SKIC3: variants seen among roughly 807,000 people sequenced by gnomAD.
The protein encoded by SKIC3 is SKI3 subunit of superkiller complex.
chr5:95,549,551 G>A, the SKIC3 span, among the ~76,000 whole-genome samples: 1 of 151,774 alleles, frequency 6.6e-6, no homozygotes, highest in Non-Finnish European at 1.5e-5. Context: ...AATTCTTCAT[G>A]CTACAATGGA....
chr5:95,471,927 C>T, the SKIC3 span, among the ~76,000 whole-genome samples: 54 of 152,250 alleles, frequency 3.5e-4, no homozygotes, highest in African/African-American at 9.6e-4. Flanking sequence ...TGAAAAATTA[C>T]GAAGAGTTTC....
At chr5:95,518,623 C>T in the SKIC3 span, among the ~76,000 whole-genome samples, 1 of 151,966 alleles carries the variant, frequency 6.6e-6, no homozygotes, top group Non-Finnish European at 1.5e-5. Flanking sequence ...ATCCAAATTG[C>T]CTTAAATGAT....
At chr5:95,530,661 C>T in the SKIC3 span, among the ~76,000 whole-genome samples, 1 of 152,292 alleles carries the variant, frequency 6.6e-6, no homozygotes, top group African/African-American at 2.4e-5. Context: ...CCAAGGATCA[C>T]AAGATAGGCG....
At chr5:95,500,478 C>G in the SKIC3 span, among the ~76,000 whole-genome samples, 1 of 152,156 alleles carries the variant, frequency 6.6e-6, no homozygotes, top group African/African-American at 2.4e-5. Context: ...CCTTCTTTAA[C>G]ATTAATAAAG....
At chr5:95,529,154 T>C in the SKIC3 span, 24 of 1,486,006 alleles carry the variant, frequency 1.6e-5, no homozygotes, top group Admixed American at 5.1e-5. Context: ...ACTACATAGA[T>C]GAACAGCACC....
the SKIC3 span, among the ~76,000 whole-genome samples, chr5:95,494,359 T>A: frequency 6.6e-6 from 1 of 152,172 alleles, no homozygotes; most frequent in African/African-American, 2.4e-5. Flanking sequence ...AAATCACAAA[T>A]AAATGCAAGA....
chr5:95,474,601 G>C, the SKIC3 span, among the ~76,000 whole-genome samples: 1 of 151,882 alleles, frequency 6.6e-6, no homozygotes, highest in Non-Finnish European at 1.5e-5. Flanking sequence ...ATGTGCCCTG[G>C]GGATGATCAT....
the SKIC3 span, among the ~76,000 whole-genome samples, chr5:95,531,739 C>T: frequency 1.3e-5 from 2 of 152,132 alleles, no homozygotes; most frequent in Admixed American, 6.6e-5. Context: ...AGATATCATA[C>T]TTAAAGACCA....
At chr5:95,508,956 A>T in the SKIC3 span, among the ~76,000 whole-genome samples, 1 of 152,206 alleles carries the variant, frequency 6.6e-6, no homozygotes, top group Admixed American at 6.5e-5. Context: ...CTTAAAAGAC[A>T]GACTTTTCTA....
At chr5:95,475,172 C>T in the SKIC3 span, among the ~76,000 whole-genome samples, 1 of 152,184 alleles carries the variant, frequency 6.6e-6, no homozygotes, top group Non-Finnish European at 1.5e-5. Context: ...TACAGGGACA[C>T]TCTGGCTGCT....
At chr5:95,552,229 T>A in the SKIC3 span, among the ~76,000 whole-genome samples, 7 of 152,188 alleles carry the variant, frequency 4.6e-5, no homozygotes, top group African/African-American at 1.7e-4. Flanking sequence ...TCATCAAACA[T>A]GAGTACCCTC....
the SKIC3 span, among the ~76,000 whole-genome samples, chr5:95,497,234 G>A: frequency 6.6e-6 from 1 of 152,092 alleles, no homozygotes; most frequent in Admixed American, 6.5e-5. Flanking sequence ...CAGCACAACC[G>A]TATATGGAGA....
chr5:95,483,175 A>T, the SKIC3 span, among the ~76,000 whole-genome samples: 4 of 152,072 alleles, frequency 2.6e-5, no homozygotes, highest in African/African-American at 9.7e-5. Context: ...TAAAATACTT[A>T]CCTACATACA....
the SKIC3 span, among the ~76,000 whole-genome samples, chr5:95,549,782 C>T: frequency 4.6e-5 from 7 of 151,590 alleles, no homozygotes; most frequent in Admixed American, 1.3e-4. Context: ...GAAAGGGAAA[C>T]GTCCATTCAC....
the SKIC3 span, chr5:95,529,074 A>T: frequency 6.2e-7 from 1 of 1,613,764 alleles, no homozygotes; most frequent in Middle Eastern, 1.6e-4. Context: ...GATACCATCC[A>T]CTTGTGCAGA....
chr5:95,477,214 T>C, the SKIC3 span, among the ~76,000 whole-genome samples: 131 of 152,280 alleles, frequency 8.6e-4, no homozygotes, highest in African/African-American at 2.9e-3. Context: ...ATTATTATTA[T>C]TTGTCCATTC....
the SKIC3 span, chr5:95,498,570 G>A: frequency 6.2e-7 from 1 of 1,613,792 alleles, no homozygotes; most frequent in Non-Finnish European, 8.5e-7. Flanking sequence ...GGCTTTCTGT[G>A]GTTGGTTCCT....
chr5:95,514,702 T>A, the SKIC3 span, among the ~76,000 whole-genome samples: 1 of 152,178 alleles, frequency 6.6e-6, no homozygotes, highest in Non-Finnish European at 1.5e-5. Context: ...ATTGATAGAT[T>A]AACTGAAATA....
At chr5:95,509,563 C>T in the SKIC3 span, 1 of 1,500,632 alleles carries the variant, frequency 6.7e-7, no homozygotes, top group South Asian at 1.1e-5. Context: ...TCATCTTCCT[C>T]CTGCATCTAT....
Sources: allele counts gnomAD v4.1 joint callset (sites outside exome capture counted in the v4.1 genomes callset), GRCh38; gene constraint gnomAD v4.1.1; transcripts MANE v1.5; gene names NCBI Gene and HGNC (gene_info 2026-07-23, HGNC 2026-07-21).